ZNF24: variants seen among roughly 807,000 people sequenced by gnomAD.
ZNF24 encodes retinoic acid suppression protein A.
ZNF24 carries 11 observed loss-of-function variants against 40.9 expected under a neutral mutation model. The ratio of observed to expected loss-of-function variants is 0.27; its 90% CI spans 0.17 to 0.45. ZNF24 has a LOEUF of 0.45. ZNF24 is among the 20% of genes least tolerant of loss of function. The pLI is 1.00. For synonymous variants in ZNF24, 139 were observed against 154.7 expected (o/e 0.90, Z 0.75); for missense variants, 293 against 437.7 (o/e 0.67, Z 2.95).
Position 35,339,835 on chromosome 18 carries a change from G to T in ZNF24, c.562C>A (p.His188Asn). ...ACAGAGTTCTGGTCCTCACCACAGTGCCTTAGGGAATGGAGCTCCCAGGAT... is the reference window on the plus strand; with the variant it reads ...ACAGAGTTCTGGTCCTCACCACAGTTCCTTAGGGAATGGAGCTCCCAGGAT... Reference protein sequence around the residue: ...WASWELHSLRHCDDDGRTENG... With the variant: ...WASWELHSLRNCDDDGRTENG... The change falls in exon 3 of 4, where the codon CAC (histidine) becomes AAC (asparagine). Residue 188 changes from histidine to asparagine, a missense_variant. His to Asn is a moderately conservative substitution (Grantham distance 68, BLOSUM62 1). Coordinates refer to ENST00000261332, the MANE Select transcript of ZNF24 (RefSeq NM_006965.4). 1 of 1,606,558 alleles carries T rather than the reference G, an allele frequency of 6.2e-7. No homozygotes were observed. Among genetic ancestry groups the T allele is most frequent in the South Asian group, 1.1e-5 (1 of 90,836 alleles).
chr18:35,337,837 T>G, intron 3 of ZNF24, 67 bp from the exon 4 acceptor site: 1 of 1,433,964 alleles, frequency 7.0e-7, no homozygotes, highest in Non-Finnish European at 9.2e-7. Context: ...TAAAAAAAAT[T>G]TTTTTTTTAA....
At position 35,340,913 on chromosome 18, in the gene ZNF24, C is replaced by A. The variant is rs1332198414; in HGVS notation, c.-83-180G>T. ...ATCTAGCCTGCCACCCATTTCTGTACAACACTTGCACCAACAATAATTTTC... is the reference window on the plus strand; with the variant it reads ...ATCTAGCCTGCCACCCATTTCTGTAAAACACTTGCACCAACAATAATTTTC... On this transcript the variant is annotated intron_variant, in intron 1 of 3. Coordinates refer to ENST00000261332, the MANE Select transcript of ZNF24 (RefSeq NM_006965.4). The surrounding 1 kb of genome is among the most constrained non-coding windows in gnomAD (Gnocchi z 4.6). Among the ~76,000 whole-genome samples the A allele has an allele frequency of 6.6e-6, 1 of 152,186 alleles. No individual in the cohort carries two copies. Among genetic ancestry groups the A allele is most frequent in the East Asian group, 1.9e-4 (1 of 5,196 alleles).
In ZNF24 at chr18:35,336,851, T is replaced by C. The variant is rs2044915348; in HGVS notation, c.*381A>G. 6.2e-6 allele frequency: 1 copy of C among 160,432 alleles called. No individual in the cohort carries two copies. Among genetic ancestry groups the C allele is most frequent in the Admixed American group, 6.4e-5 (1 of 15,580 alleles). 9.9% of individuals were successfully genotyped at this position (160,432 alleles called of 1,614,324 possible). ...GTAATTCCTGTTGCCTTTTAATATA[T>C]AAGGGAATGTATCCATATAAAGAAC... On this transcript the variant is annotated 3_prime_UTR_variant, in exon 4 of 4. Transcript: ENST00000261332.
chr18:35,342,082 G>C (rs556684053), intron 1 of ZNF24, among the ~76,000 whole-genome samples: 20 of 152,072 alleles, frequency 1.3e-4, no homozygotes, highest in Non-Finnish European at 4.4e-5. Flanking sequence ...TGTAGTCCCA[G>C]CTACTGGGGA....
Position 35,337,089 on chromosome 18 carries a change from G to T in ZNF24, c.*143C>A. On this transcript the variant is annotated 3_prime_UTR_variant, in exon 4 of 4. Coordinates refer to ENST00000261332, the MANE Select transcript of ZNF24 (RefSeq NM_006965.4). ...CTTTCAAGATAAATATCATAATGGT[G>T]AGTGAAGATTTTTACATTTCCCAGT... is the stretch of plus-strand genomic sequence containing the variant. 1 of 644,722 alleles carries T rather than the reference G, an allele frequency of 1.6e-6. No individual in the cohort carries two copies. Among genetic ancestry groups the T allele is most frequent in the Non-Finnish European group, 2.3e-6 (1 of 426,768 alleles). 39.9% of individuals were successfully genotyped at this position (644,722 alleles called of 1,614,324 possible).
chr18:35,335,958 C>T lies in ZNF24; in HGVS notation c.*1274G>A, dbSNP rs2044903998. 1.3e-5 allele frequency: 2 copies of T among 152,326 alleles called. No homozygotes were observed. The highest frequency in any genetic ancestry group is 2.1e-4 in the South Asian group (1 of 4,820). 9.4% of individuals were successfully genotyped at this position (152,326 alleles called of 1,614,324 possible). A position where few individuals can be genotyped will look rare whatever the true frequency, so the allele number is the denominator to read the frequency against. On this transcript the variant is annotated 3_prime_UTR_variant, in exon 4 of 4. Coordinates refer to ENST00000261332, the MANE Select transcript of ZNF24 (RefSeq NM_006965.4). Reference sequence around the variant, plus strand: ...AGTATCGTGGACTCACCTCTGAACACTGGAGAGCCAGCTAGCTCTTTTGAG... The same window carrying T: ...AGTATCGTGGACTCACCTCTGAACATTGGAGAGCCAGCTAGCTCTTTTGAG...
At position 35,334,256 on chromosome 18, in the gene ZNF24, A is replaced by G. The variant is rs2044883986; in HGVS notation, c.*2976T>C. 1 of 152,224 alleles carries G rather than the reference A, an allele frequency of 6.6e-6. No homozygotes were observed. Among genetic ancestry groups the G allele is most frequent in the African/African-American group, 2.4e-5 (1 of 41,460 alleles). The allele number at this position is 152,224 out of a possible 1,614,324, so 9.4% of individuals were successfully genotyped here. A position where few individuals can be genotyped will look rare whatever the true frequency, so the allele number is the denominator to read the frequency against. On this transcript the variant is annotated 3_prime_UTR_variant, in exon 4 of 4. Coordinates refer to ENST00000261332, the MANE Select transcript of ZNF24 (RefSeq NM_006965.4). ...TGTTAACCATAAACACAAATTTATC[A>G]AGGTTTAATAGCCACCACCCATGGC...
chr18:35,339,746 C>A, intron 3 of ZNF24, 83 bp downstream of exon 3: 5 of 1,269,998 alleles, frequency 3.9e-6, no homozygotes, highest in Non-Finnish European at 5.3e-6. Flanking sequence ...ATGATCCCCC[C>A]ACCAGTGAGA....
chr18:35,335,817 T>G lies in ZNF24; in HGVS notation c.*1415A>C, dbSNP rs760525245. On this transcript the variant is annotated 3_prime_UTR_variant, in exon 4 of 4. Coordinates refer to ENST00000261332, the MANE Select transcript of ZNF24 (RefSeq NM_006965.4). ...GTTAATAAACTAGTTAATTGTCTAG[T>G]TGTTTATTTTTTAAATAGAACAGTC... The G allele has an allele frequency of 5.9e-5, 9 of 152,172 alleles. No individual in the cohort carries two copies. The highest frequency in any genetic ancestry group is 1.3e-4 in the Non-Finnish European group (9 of 68,022). 9.4% of individuals were successfully genotyped at this position (152,172 alleles called of 1,614,324 possible).
chr18:35,333,678 T>TG lies in ZNF24; in HGVS notation c.*3553dup, dbSNP rs548598972. The TG allele has an allele frequency of 7.1e-4, 108 of 152,262 alleles. No homozygotes were observed. Among genetic ancestry groups the TG allele is most frequent in the Middle Eastern group, 3.4e-3 (1 of 294 alleles). The allele number at this position is 152,262 out of a possible 1,614,324, so 9.4% of individuals were successfully genotyped here. A position where few individuals can be genotyped will look rare whatever the true frequency, so the allele number is the denominator to read the frequency against. Reference sequence around the variant, plus strand: ...GGCAAACAGGCATTCTTACTAATGATGGAGTTGTAAATTGGTGAAATCTTT... The same window carrying TG: ...GGCAAACAGGCATTCTTACTAATGATGGGAGTTGTAAATTGGTGAAATCTTT... On this transcript the variant is annotated 3_prime_UTR_variant, in exon 4 of 4. Transcript: ENST00000261332.
intron 1 of ZNF24, among the ~76,000 whole-genome samples, chr18:35,343,126 C>T (rs1403353217): frequency 6.6e-6 from 1 of 152,146 alleles, no homozygotes; most frequent in Non-Finnish European, 1.5e-5. Flanking sequence ...AAAAAATGTT[C>T]ACTTGCTGAG....
intron 3 of ZNF24, among the ~76,000 whole-genome samples, chr18:35,339,428 T>C (rs1569103307): frequency 2.0e-5 from 3 of 152,290 alleles, no homozygotes; most frequent in South Asian, 2.1e-4. Flanking sequence ...TTCAGTGATA[T>C]ACAACAAAGA....
At position 35,333,118 on chromosome 18, in the gene ZNF24, A is replaced by G. The variant is rs1457273706; in HGVS notation, c.*4114T>C. ...AATCCACCTTACTGGACTCCAGACT[A>G]AAGAAATATTCACACACATGCACAA... On this transcript the variant is annotated 3_prime_UTR_variant, in exon 4 of 4. Transcript: ENST00000261332. 6.6e-6 allele frequency: 1 copy of G among 152,190 alleles called. No individual in the cohort carries two copies. Among genetic ancestry groups the G allele is most frequent in the African/African-American group, 2.4e-5 (1 of 41,448 alleles). 9.4% of individuals were successfully genotyped at this position (152,190 alleles called of 1,614,324 possible). A position where few individuals can be genotyped will look rare whatever the true frequency, so the allele number is the denominator to read the frequency against.
chr18:35,343,054 A>T lies in ZNF24; in HGVS notation c.-84+1306T>A, dbSNP rs149762497. Among the ~76,000 whole-genome samples, 132 of 152,300 alleles carry T rather than the reference A, an allele frequency of 8.7e-4. 2 individuals are homozygous for T. The East Asian group carries it at 0.022, about 25-fold the overall frequency. On this transcript the variant is annotated intron_variant, in intron 1 of 3. Coordinates refer to ENST00000261332, the MANE Select transcript of ZNF24 (RefSeq NM_006965.4). The stretch of plus-strand genomic sequence containing the variant: ...GCTTTATTATTATGTGCTTAAAAAA[A>T]TTTTCTTTACCATTTAAAAAATATT...
Position 35,339,950 on chromosome 18 carries a change from T to G in ZNF24, c.447A>C (p.Glu149Asp). Residue 149 changes from glutamate (E) to aspartate (D), a missense_variant, in exon 3 of 4, where the codon GAA becomes GAC. Glu to Asp is a conservative substitution (Grantham distance 45). Around this residue, in one of 2 missense-constraint regions of ZNF24, gnomAD observed 234 missense variants for 299.2 expected, o/e 0.78. Transcript: ENST00000261332. The part of the protein sequence containing the change: ...QPVSLRRRKR[E>D]VLVEDMVSQE... The stretch of plus-strand genomic sequence containing the variant: ...GAGATACCATGTCTTCTACTAGTAC[T>G]TCCCGTTTTCGTCGACGGAGAGAAA... 1 of 1,610,138 alleles carries G rather than the reference T, an allele frequency of 6.2e-7. No individual in the cohort carries two copies. Among genetic ancestry groups the G allele is most frequent in the South Asian group, 1.1e-5 (1 of 90,910 alleles).
Position 35,340,711 on chromosome 18 carries a change from C to A in ZNF24, c.-61G>T, listed in dbSNP as rs1041526261. The A allele has an allele frequency of 1.3e-6, 2 of 1,500,374 alleles. No homozygotes were observed. The highest frequency in any genetic ancestry group is 1.3e-5 in the South Asian group (1 of 79,194). The allele number at this position is 1,500,374 out of a possible 1,614,324, so 92.9% of individuals were successfully genotyped here. On this transcript the variant is annotated 5_prime_UTR_variant, in exon 2 of 4. Coordinates refer to ENST00000261332, the MANE Select transcript of ZNF24 (RefSeq NM_006965.4). This position sits in a 1 kb window ranked among gnomAD's most constrained non-coding sequence, Gnocchi z 4.6. ...GCAGAATATAAGCCTCAGGGCAATA[C>A]CCCGTTTTCTTCACAGGCACTCCTG... is the stretch of plus-strand genomic sequence containing the variant.
Position 35,340,764 on chromosome 18 carries a change from T to A in ZNF24, c.-83-31A>T. On this transcript the variant is annotated intron_variant, in intron 1 of 3. Transcript: ENST00000261332. This position sits in a 1 kb window ranked among gnomAD's most constrained non-coding sequence, Gnocchi z 4.6. Reference sequence around the variant, plus strand: ...GCATAAGAAATAAAAGATATATAAATAAGCAAAAATATCCTAAGAATTTGA... The same window carrying A: ...GCATAAGAAATAAAAGATATATAAAAAAGCAAAAATATCCTAAGAATTTGA... 1 of 886,208 alleles carries A rather than the reference T, an allele frequency of 1.1e-6. No homozygotes were observed. Among genetic ancestry groups the A allele is most frequent in the Non-Finnish European group, 1.7e-6 (1 of 602,332 alleles). The allele number at this position is 886,208 out of a possible 1,614,324, so 54.9% of individuals were successfully genotyped here.
At position 35,340,075 on chromosome 18, in the gene ZNF24, T is replaced by G. The variant is rs532887705; in HGVS notation, c.421-99A>C. 2 of 1,504,302 alleles carry G rather than the reference T, an allele frequency of 1.3e-6. No individual in the cohort carries two copies. The highest frequency in any genetic ancestry group is 1.8e-6 in the Non-Finnish European group (2 of 1,107,218). 93.2% of individuals were successfully genotyped at this position (1,504,302 alleles called of 1,614,324 possible). A position where few individuals can be genotyped will look rare whatever the true frequency, so the allele number is the denominator to read the frequency against. Reference sequence around the variant, plus strand: ...CCATGAAACAAATACTGCAGAAGCCTAGATGGCAAAGCGGCACAGATAACA... The same window carrying G: ...CCATGAAACAAATACTGCAGAAGCCGAGATGGCAAAGCGGCACAGATAACA... On this transcript the variant is annotated intron_variant, in intron 2 of 3. Coordinates refer to ENST00000261332, the MANE Select transcript of ZNF24 (RefSeq NM_006965.4). The surrounding 1 kb of genome is among the most constrained non-coding windows in gnomAD (Gnocchi z 4.6).
intron 1 of ZNF24, among the ~76,000 whole-genome samples, chr18:35,341,737 G>C (rs1183734351): frequency 6.6e-6 from 1 of 152,050 alleles, no homozygotes; most frequent in Non-Finnish European, 1.5e-5. Context: ...AAAAAAAATT[G>C]GCCAGGTGCA....
Sources: gnomAD v4.1 joint callset for allele counts (sites outside exome capture counted in the v4.1 genomes callset) on GRCh38, gnomAD v4.1.1 for gene constraint, gnomAD v4.1.1 regional missense constraint, Gnocchi (gnomAD v3.1) non-coding constraint, MANE v1.5 for transcripts, NCBI Gene and HGNC (gene_info 2026-07-23, HGNC 2026-07-21) for gene names.